Variants in CPQ observed in about 807,000 individuals in gnomAD.
The protein encoded by CPQ is carboxypeptidase Q.
CPQ carries 37 observed loss-of-function variants against 45.7 expected under a neutral mutation model. That is an observed-to-expected ratio of 0.81 (90% CI 0.62 to 1.07). CPQ has a LOEUF of 1.07. CPQ is among the 50% of genes least tolerant of loss of function. The probability of loss-of-function intolerance (pLI) is 0.00; values close to 1 mark genes in which losing one functional copy is unlikely to be tolerated. For missense variants in CPQ, 537 were observed against 572.9 expected (o/e 0.94, Z 0.64); for synonymous variants, 186 against 205.8 (o/e 0.90, Z 0.82).
chr8:96,950,361 A>T (rs1010610130), intron 4 of CPQ, among the ~76,000 whole-genome samples: 5 of 152,178 alleles, frequency 3.3e-5, no homozygotes, highest in Admixed American at 3.3e-4. Flanking sequence ...ATTACTAAAC[A>T]GAAACAAATA....
chr8:97,054,959 A>T (rs1446877411), intron 6 of CPQ, among the ~76,000 whole-genome samples: 1 of 152,206 alleles, frequency 6.6e-6, no homozygotes, highest in East Asian at 1.9e-4. Context: ...TCAGGGGGGA[A>T]GTCTACAGAT....
intron 2 of CPQ, among the ~76,000 whole-genome samples, chr8:96,827,043 C>G (rs1347000653): frequency 2.0e-5 from 3 of 152,000 alleles, no homozygotes; most frequent in African/African-American, 7.2e-5. Flanking sequence ...TGCAATGGTC[C>G]TTAAAGCTCC....
chr8:96,989,046 G>C (rs962708641), intron 5 of CPQ, among the ~76,000 whole-genome samples: 3 of 152,196 alleles, frequency 2.0e-5, no homozygotes, highest in Non-Finnish European at 2.9e-5. Flanking sequence ...AGTGATGTCT[G>C]CAAGAGTGGC....
intron 4 of CPQ, among the ~76,000 whole-genome samples, chr8:96,891,715 T>A (rs1812379381): frequency 6.6e-6 from 1 of 152,208 alleles, no homozygotes; most frequent in Admixed American, 6.5e-5. Flanking sequence ...ATATACATAT[T>A]ATCCCATTAT....
chr8:96,704,490 T>C (rs1256290030), intron 1 of CPQ, among the ~76,000 whole-genome samples: 1 of 152,094 alleles, frequency 6.6e-6, no homozygotes, highest in African/African-American at 2.4e-5. Context: ...ATGGATTGAG[T>C]TGAACTTTGA....
intron 5 of CPQ, among the ~76,000 whole-genome samples, chr8:97,018,604 GTC>G (rs1563555704): frequency 2.6e-5 from 4 of 152,174 alleles, no homozygotes; most frequent in African/African-American, 9.6e-5. Flanking sequence ...GCTCTGGAAA[GTC>G]TCAGCAATAG....
chr8:96,689,037 T>C (rs2130735627), intron 1 of CPQ, among the ~76,000 whole-genome samples: 1 of 152,296 alleles, frequency 6.6e-6, no homozygotes, highest in East Asian at 1.9e-4. Flanking sequence ...CAGAGAAAAA[T>C]GCTGTTTATC....
intron 1 of CPQ, among the ~76,000 whole-genome samples, chr8:96,676,707 G>A (rs985408144): frequency 3.9e-5 from 6 of 151,926 alleles, no homozygotes; most frequent in African/African-American, 1.2e-4. Flanking sequence ...TTTTTGGGGT[G>A]CAGTTGGTGT....
At chr8:97,037,210 T>C (rs1432382422) in intron 6 of CPQ, among the ~76,000 whole-genome samples, 1 of 152,252 alleles carries the variant, frequency 6.6e-6, no homozygotes, top group Non-Finnish European at 1.5e-5. Flanking sequence ...AAGAATATGT[T>C]AGAAATGCTT....
intron 7 of CPQ, among the ~76,000 whole-genome samples, chr8:97,120,148 C>T (rs998269012): frequency 1.3e-5 from 2 of 152,116 alleles, no homozygotes; most frequent in African/African-American, 4.8e-5. Context: ...CCAAGAATCC[C>T]CTCAAACCTC....
intron 5 of CPQ, among the ~76,000 whole-genome samples, chr8:97,010,464 A>G (rs1809468934): frequency 6.6e-6 from 1 of 152,186 alleles, no homozygotes; most frequent in Admixed American, 6.6e-5. Context: ...CAGGTATTAT[A>G]GAATTATTGT....
At chr8:96,730,239 CT>C (rs1238426378) in intron 1 of CPQ, among the ~76,000 whole-genome samples, 1 of 152,104 alleles carries the variant, frequency 6.6e-6, no homozygotes, top group African/African-American at 2.4e-5. Flanking sequence ...ATCCTATTGG[CT>C]GTATATTTTG....
At chr8:96,800,558 GC>G (rs759675150) in intron 2 of CPQ, among the ~76,000 whole-genome samples, 11 of 152,144 alleles carry the variant, frequency 7.2e-5, no homozygotes, top group Non-Finnish European at 1.5e-4. Context: ...ATTTATGGGG[GC>G]AAGATCTATG....
intron 4 of CPQ, among the ~76,000 whole-genome samples, chr8:96,950,208 A>G (rs1427739590): frequency 6.6e-6 from 1 of 152,170 alleles, no homozygotes; most frequent in Non-Finnish European, 1.5e-5. Context: ...AGTCGAGAAT[A>G]AACTTCTTTA....
chr8:96,953,215 T>C (rs1164190133), intron 4 of CPQ, among the ~76,000 whole-genome samples: 1 of 152,118 alleles, frequency 6.6e-6, no homozygotes, highest in African/African-American at 2.4e-5. Context: ...TTCCTTTTCA[T>C]AGAGGTTGAT....
chr8:96,987,214 C>T (rs1809001985), intron 5 of CPQ, among the ~76,000 whole-genome samples: 1 of 152,102 alleles, frequency 6.6e-6, no homozygotes, highest in Non-Finnish European at 1.5e-5. Flanking sequence ...CAGATTTGAG[C>T]TCTTGAAGCA....
intron 1 of CPQ, among the ~76,000 whole-genome samples, chr8:96,677,104 T>G (rs1252425768): frequency 6.6e-6 from 1 of 152,172 alleles, no homozygotes; most frequent in Non-Finnish European, 1.5e-5. Context: ...TTCCATATCT[T>G]TGCAATTGCA....
At chr8:96,819,424 C>T (rs1378716237) in intron 2 of CPQ, among the ~76,000 whole-genome samples, 2 of 151,872 alleles carry the variant, frequency 1.3e-5, no homozygotes, top group East Asian at 1.9e-4. Context: ...AATGGGTGCC[C>T]TTTACAGATT....
At chr8:96,819,720 A>G (rs1004715563) in intron 2 of CPQ, among the ~76,000 whole-genome samples, 3 of 152,028 alleles carry the variant, frequency 2.0e-5, no homozygotes, top group Non-Finnish European at 2.9e-5. Flanking sequence ...ATCCCAAAAA[A>G]CTGTTGCCAT....
Sources: allele counts gnomAD v4.1 joint callset (sites outside exome capture counted in the v4.1 genomes callset), GRCh38; gene constraint gnomAD v4.1.1; transcripts MANE v1.5; gene names NCBI Gene and HGNC (gene_info 2026-07-23, HGNC 2026-07-21).